Variants in PRKD1 observed in about 807,000 individuals in gnomAD.
PRKD1 encodes the protein serine/threonine-protein kinase D1.
In PRKD1, 63 loss-of-function variants were observed where a neutral mutation model predicts 95.9. The observed-to-expected ratio is 0.66, with a 90% CI of 0.54 to 0.81. The LOEUF (loss-of-function observed/expected upper bound fraction) is 0.81. Ranked by LOEUF, PRKD1 falls within the 30% of genes least tolerant of loss-of-function variation. The pLI, the probability that PRKD1 is intolerant of heterozygous loss-of-function variation, is 0.00. For synonymous variants in PRKD1, 425 were observed against 423.1 expected, an observed-to-expected ratio of 1.00 and a Z score of -0.05; for missense variants, 1,048 against 1,165.3, an observed-to-expected ratio of 0.90 and a Z score of 1.47.
chr14:29,609,535 C>CAT (rs1228930912), intron 13 of PRKD1, among the ~76,000 whole-genome samples: 3 of 144,028 alleles, frequency 2.1e-5, no homozygotes, highest in Admixed American at 6.7e-5. Flanking sequence ...CACACACACA[C>CAT]ACATATATAT....
intron 2 of PRKD1, among the ~76,000 whole-genome samples, chr14:29,701,688 AT>A (rs1211341858): frequency 1.5e-4 from 23 of 152,136 alleles, no homozygotes; most frequent in African/African-American, 5.5e-4. Context: ...GAGCTCACAG[AT>A]TTTTATATAT....
intron 1 of PRKD1, among the ~76,000 whole-genome samples, chr14:29,783,041 A>G (rs920053770): frequency 1.3e-5 from 2 of 152,236 alleles, no homozygotes; most frequent in Admixed American, 6.5e-5. Flanking sequence ...ATTTTGAAAC[A>G]TAAAATAAAT....
chr14:29,794,034 A>G (rs568098697), intron 1 of PRKD1, among the ~76,000 whole-genome samples: 38 of 152,072 alleles, frequency 2.5e-4, no homozygotes, highest in Non-Finnish European at 4.6e-4. Context: ...TGCTGTGCAC[A>G]ATGATTAAGT....
intron 2 of PRKD1, among the ~76,000 whole-genome samples, chr14:29,669,606 G>T (rs765304895): frequency 1.3e-5 from 2 of 152,140 alleles, no homozygotes; most frequent in African/African-American, 4.8e-5. Flanking sequence ...AGTGGCTCAC[G>T]CCTGGGATCC....
chr14:29,780,728 T>C (rs1889004724), intron 1 of PRKD1, among the ~76,000 whole-genome samples: 1 of 152,216 alleles, frequency 6.6e-6, no homozygotes, highest in Non-Finnish European at 1.5e-5. Flanking sequence ...GAAGACAGTG[T>C]GGTGATTTCT....
At chr14:29,673,583 C>T (rs1882989013) in intron 2 of PRKD1, among the ~76,000 whole-genome samples, 1 of 152,212 alleles carries the variant, frequency 6.6e-6, no homozygotes, top group Non-Finnish European at 1.5e-5. Flanking sequence ...TTTATCTGTT[C>T]ACACATAACA....
intron 17 of PRKD1, 134 bp downstream of exon 17, chr14:29,578,141 C>T: frequency 2.9e-6 from 2 of 691,220 alleles, no homozygotes; most frequent in South Asian, 1.8e-5. Flanking sequence ...TATGAAGTTG[C>T]ATGCATTTGA....
chr14:29,910,393 C>A (rs1302821369), intron 1 of PRKD1, among the ~76,000 whole-genome samples: 2 of 152,142 alleles, frequency 1.3e-5, no homozygotes, highest in African/African-American at 4.8e-5. Context: ...TCTGGACACA[C>A]CACCTTTAAG....
intron 1 of PRKD1, among the ~76,000 whole-genome samples, chr14:29,901,426 A>C (rs1301147519): frequency 1.3e-5 from 2 of 152,180 alleles, no homozygotes; most frequent in Non-Finnish European, 2.9e-5. Flanking sequence ...CTGTACCCTA[A>C]ACCTCAGCAT....
intron 1 of PRKD1, among the ~76,000 whole-genome samples, chr14:29,801,014 T>C (rs1325839049): frequency 6.6e-6 from 1 of 152,170 alleles, no homozygotes; most frequent in African/African-American, 2.4e-5. Context: ...TATTTAACTG[T>C]CAGAACCTGT....
Position 29,626,979 on chromosome 14 carries a change from C to G in PRKD1, c.1726-423G>C, listed in dbSNP as rs1469315017. Among the ~76,000 whole-genome samples the G allele has an allele frequency of 5.9e-5, 9 of 151,952 alleles. No individual in the cohort carries two copies. In the East Asian group the frequency reaches 1.8e-3, roughly 30 times the overall value. ...CCGCCTGCCTTGGCCTCCCAAGGTG[C>G]TGGGATTACAGGCATGAGCCACCAC... On this transcript the variant is annotated intron_variant, in intron 11 of 17. Transcript: ENST00000331968.
At chr14:29,675,921 T>C (rs1001338961) in intron 2 of PRKD1, among the ~76,000 whole-genome samples, 6 of 142,166 alleles carry the variant, frequency 4.2e-5, no homozygotes, top group East Asian at 4.3e-4. Context: ...TAGGTGGGAA[T>C]TGAACAATGA....
chr14:29,705,631 C>T (rs1290180585), intron 2 of PRKD1, among the ~76,000 whole-genome samples: 1 of 152,026 alleles, frequency 6.6e-6, no homozygotes, highest in African/African-American at 2.4e-5. Flanking sequence ...GTAGTCACGA[C>T]ACATTCTTCC....
chr14:29,629,893 C>T (rs1394462570), intron 10 of PRKD1, among the ~76,000 whole-genome samples: 1 of 152,020 alleles, frequency 6.6e-6, no homozygotes, highest in Non-Finnish European at 1.5e-5. Context: ...TTGCAAATAA[C>T]AAGACTTGCA....
chr14:29,830,951 T>C (rs1891384891), intron 1 of PRKD1, among the ~76,000 whole-genome samples: 1 of 152,206 alleles, frequency 6.6e-6, no homozygotes, highest in Non-Finnish European at 1.5e-5. Context: ...TCCCAAAGTG[T>C]TGGGTTTATA....
chr14:29,647,144 C>G (rs1286358485), intron 4 of PRKD1, among the ~76,000 whole-genome samples: 4 of 152,072 alleles, frequency 2.6e-5, no homozygotes, highest in African/African-American at 9.6e-5. Flanking sequence ...CATGGAGAAT[C>G]CATTTCTTAA....
intron 1 of PRKD1, among the ~76,000 whole-genome samples, chr14:29,759,053 A>G (rs983304857): frequency 7.9e-5 from 12 of 152,232 alleles, no homozygotes; most frequent in Non-Finnish European, 1.2e-4. Flanking sequence ...CGTTACTCAC[A>G]TGTGATCATT....
intron 11 of PRKD1, among the ~76,000 whole-genome samples, chr14:29,626,852 T>TTA (rs1201984398): frequency 4.6e-5 from 7 of 151,962 alleles, no homozygotes; most frequent in Admixed American, 4.6e-4. Flanking sequence ...GTAGTTGGGA[T>TTA]TACAGGCACA....
intron 2 of PRKD1, among the ~76,000 whole-genome samples, chr14:29,705,214 A>G (rs1163660265): frequency 6.6e-6 from 1 of 152,156 alleles, no homozygotes; most frequent in Non-Finnish European, 1.5e-5. Flanking sequence ...AAATAAATGT[A>G]TTTGAGCTTC....
Sources: gnomAD v4.1 joint callset for allele counts (sites outside exome capture counted in the v4.1 genomes callset) on GRCh38, gnomAD v4.1.1 for gene constraint, MANE v1.5 for transcripts, NCBI Gene and HGNC (gene_info 2026-07-23, HGNC 2026-07-21) for gene names.